The following DNAAF11 variants were observed in gnomAD, a reference collection of about 807,000 sequenced individuals.
The protein encoded by DNAAF11 is leucine rich repeat containing 6.
Under a neutral mutation model 60.8 loss-of-function variants are expected in DNAAF11, and 45 were observed. The observed-to-expected ratio is 0.74, with a 90% confidence interval of 0.58 to 0.95. DNAAF11 has a LOEUF of 0.95. Among genes scored for constraint, DNAAF11 ranks in the 40% least tolerant of loss-of-function variants. The pLI is 0.00. For synonymous variants in DNAAF11, 191 were observed against 183.5 expected, an observed-to-expected ratio of 1.04 and a Z score of -0.33; for missense variants, 546 against 546.2, an observed-to-expected ratio of 1.00 and a Z score of 0.00.
chr8:132,607,514 A>G (rs1818247777), intron 10 of DNAAF11, among the ~76,000 whole-genome samples: 1 of 152,156 alleles, frequency 6.6e-6, no homozygotes, highest in Non-Finnish European at 1.5e-5. Flanking sequence ...GAAAAGACAA[A>G]CTGATGAAAC....
intron 1 of DNAAF11, among the ~76,000 whole-genome samples, chr8:132,671,820 A>AC (rs536322222): frequency 2.6e-4 from 39 of 152,120 alleles, no homozygotes; most frequent in East Asian, 5.8e-4. Flanking sequence ...TAAAAAAAAA[A>AC]ACACACACAA....
intron 3 of DNAAF11, among the ~76,000 whole-genome samples, chr8:132,645,784 A>G (rs1391914748): frequency 6.6e-6 from 1 of 152,000 alleles, no homozygotes; most frequent in Non-Finnish European, 1.5e-5. Flanking sequence ...AGAAGTTTAG[A>G]AAAAAAAGAG....
At chr8:132,673,993 C>T (rs759214828) in intron 1 of DNAAF11, among the ~76,000 whole-genome samples, 2 of 149,608 alleles carry the variant, frequency 1.3e-5, no homozygotes, top group South Asian at 2.1e-4. Context: ...CATAAAAAAG[C>T]GAAGAAGAAG....
intron 7 of DNAAF11, among the ~76,000 whole-genome samples, chr8:132,619,092 T>C (rs1402993808): frequency 6.6e-6 from 1 of 152,116 alleles, no homozygotes; most frequent in Non-Finnish European, 1.5e-5. Flanking sequence ...ATATGGCACA[T>C]ATACACCATG....
At chr8:132,654,823 AAAC>A (rs1230335503) in intron 3 of DNAAF11, among the ~76,000 whole-genome samples, 9 of 151,974 alleles carry the variant, frequency 5.9e-5, no homozygotes, top group African/African-American at 1.2e-4. Flanking sequence ...GCTCCATAAA[AAAC>A]AACGACTCAT....
At position 132,633,069 on chromosome 8, in the gene DNAAF11, G is replaced by A. The variant is rs578216212; in HGVS notation, c.430-106C>T. On this transcript the variant is annotated intron_variant, in intron 4 of 11. Coordinates refer to ENST00000620350, the MANE Select transcript of DNAAF11 (RefSeq NM_012472.6). ...TAATAATATACCCGATAGTGATAGA[G>A]AATTAAAACAATATAATTAATGGGA... The A allele has an allele frequency of 9.6e-5, 61 of 634,794 alleles. 1 individual carries two copies. In the South Asian group the frequency reaches 1.2e-3, roughly 13 times the overall value. The allele number at this position is 634,794 out of a possible 1,614,324, so 39.3% of individuals were successfully genotyped here. A position where few individuals can be genotyped will look rare whatever the true frequency, so the allele number is the denominator to read the frequency against.
intron 4 of DNAAF11, among the ~76,000 whole-genome samples, chr8:132,636,154 G>A (rs1821275645): frequency 6.6e-6 from 1 of 151,990 alleles, no homozygotes; most frequent in South Asian, 2.1e-4. Context: ...AGCTTTCAAT[G>A]AAATGGTAAT....
chr8:132,672,561 G>A (rs1002507579), intron 1 of DNAAF11, among the ~76,000 whole-genome samples: 18 of 152,138 alleles, frequency 1.2e-4, no homozygotes, highest in East Asian at 1.2e-3. Flanking sequence ...CACTGGGCAC[G>A]CTGCTTAACC....
chr8:132,656,707 G>C lies in DNAAF11; in HGVS notation c.256+123C>G, dbSNP rs1257095726. The C allele has an allele frequency of 5.8e-6, 3 of 519,364 alleles. No homozygotes were observed. The Admixed American group carries it at 1.1e-4, about 19-fold the overall frequency. 32.2% of individuals were successfully genotyped at this position (519,364 alleles called of 1,614,324 possible). Reference sequence around the variant, plus strand: ...GGCTGGTCTCGAACTCCTGACCTCAGGTGATCTGCCCGCCTTGGCCTCCCA... The same window carrying C: ...GGCTGGTCTCGAACTCCTGACCTCACGTGATCTGCCCGCCTTGGCCTCCCA... On this transcript the variant is annotated intron_variant, in intron 3 of 11. Coordinates refer to ENST00000620350, the MANE Select transcript of DNAAF11 (RefSeq NM_012472.6).
chr8:132,674,798 G>A (rs1205778446), intron 1 of DNAAF11, among the ~76,000 whole-genome samples: 1 of 152,260 alleles, frequency 6.6e-6, no homozygotes, highest in African/African-American at 2.4e-5. Context: ...TGAGGCAGGA[G>A]AATTGCTTGA....
chr8:132,583,136 A>G (rs1194334916), intron 11 of DNAAF11, among the ~76,000 whole-genome samples: 4 of 152,148 alleles, frequency 2.6e-5, no homozygotes, highest in Non-Finnish European at 5.9e-5. Context: ...GAATTTAAGC[A>G]AAAGCCAGAA....
intron 1 of DNAAF11, among the ~76,000 whole-genome samples, chr8:132,666,328 G>A (rs1050824208): frequency 7.2e-5 from 11 of 152,142 alleles, no homozygotes; most frequent in Non-Finnish European, 1.5e-4. Context: ...AAATGTTTTA[G>A]ATAATGGATA....
the DNAAF11 span, among the ~76,000 whole-genome samples, chr8:132,690,015 CAT>C: frequency 6.6e-6 from 1 of 152,156 alleles, no homozygotes; most frequent in African/African-American, 2.4e-5. Flanking sequence ...ACACTTGACT[CAT>C]ATTTTTAAAA....
intron 4 of DNAAF11, among the ~76,000 whole-genome samples, chr8:132,633,636 G>C (rs1485445959): frequency 6.6e-6 from 1 of 152,292 alleles, no homozygotes; most frequent in East Asian, 1.9e-4. Context: ...TAATCTCCAT[G>C]AATGTTACCT....
intron 1 of DNAAF11, among the ~76,000 whole-genome samples, chr8:132,662,570 A>G (rs952283902): frequency 6.6e-6 from 1 of 152,252 alleles, no homozygotes; most frequent in East Asian, 1.9e-4. Flanking sequence ...GGTGCCAGGT[A>G]GTATTCTAAA....
intron 8 of DNAAF11, among the ~76,000 whole-genome samples, chr8:132,613,585 CT>C (rs1818869781): frequency 6.6e-6 from 1 of 152,190 alleles, no homozygotes; most frequent in Admixed American, 6.5e-5. Context: ...TAAACATTTT[CT>C]GGAACTAGAC....
chr8:132,572,223 C>A lies in DNAAF11; in HGVS notation c.*83G>T. The stretch of plus-strand genomic sequence containing the variant: ...ATTGACAAATAACTCTGTGTTTATC[C>A]CAGGAATAATATGCATATGGTCTCT... On this transcript the variant is annotated 3_prime_UTR_variant, in exon 12 of 12. Transcript: ENST00000620350. The A allele has an allele frequency of 1.8e-6, 2 of 1,115,580 alleles. No individual in the cohort carries two copies. The highest frequency in any genetic ancestry group is 2.5e-6 in the Non-Finnish European group (2 of 787,456). 69.1% of individuals were successfully genotyped at this position (1,115,580 alleles called of 1,614,324 possible). A position where few individuals can be genotyped will look rare whatever the true frequency, so the allele number is the denominator to read the frequency against.
chr8:132,579,316 A>C (rs972399327), intron 11 of DNAAF11, among the ~76,000 whole-genome samples: 1 of 152,176 alleles, frequency 6.6e-6, no homozygotes, highest in Non-Finnish European at 1.5e-5. Flanking sequence ...TACATGAAGC[A>C]GATTTATTAC....
chr8:132,655,419 G>A (rs1455260937), intron 3 of DNAAF11, among the ~76,000 whole-genome samples: 1 of 151,960 alleles, frequency 6.6e-6, no homozygotes, highest in Non-Finnish European at 1.5e-5. Flanking sequence ...CTACTATCCA[G>A]ACAGTAAAAC....
Sources: gnomAD v4.1 joint callset for allele counts (sites outside exome capture counted in the v4.1 genomes callset) on GRCh38, gnomAD v4.1.1 for gene constraint, MANE v1.5 for transcripts, NCBI Gene and HGNC (gene_info 2026-07-23, HGNC 2026-07-21) for gene names.